The following ROBO2 variants were observed in gnomAD, a reference collection of about 807,000 sequenced individuals.
ROBO2 encodes the protein roundabout guidance receptor 2, also known as roundabout homolog 2.
In ROBO2, 53 loss-of-function variants were observed where a neutral mutation model predicts 160.8. The observed-to-expected ratio is 0.33, with a 90% CI of 0.26 to 0.41. The LOEUF is 0.41. Among genes scored for constraint, ROBO2 ranks in the 10% least tolerant of loss-of-function variants. The probability of loss-of-function intolerance (pLI) is 1.00; values close to 1 mark genes in which losing one functional copy is unlikely to be tolerated. For synonymous variants in ROBO2, 664 were observed against 611.7 expected (o/e 1.09, Z -1.26); for missense variants, 1,577 against 1,722.4 (o/e 0.92, Z 1.49).
chr3:76,970,546 C>T (rs2059524412), intron 2 of ROBO2, among the ~76,000 whole-genome samples: 1 of 152,108 alleles, frequency 6.6e-6, no homozygotes, highest in South Asian at 2.1e-4. Flanking sequence ...TCCATTTTCA[C>T]CAGCTTAAAT....
intron 2 of ROBO2, among the ~76,000 whole-genome samples, chr3:76,267,663 A>G (rs1707178031): frequency 2.0e-5 from 3 of 152,186 alleles, no homozygotes; most frequent in Admixed American, 2.0e-4. Context: ...ACTTTTATCA[A>G]TAGTTATTTT....
At chr3:76,471,005 GT>G (rs927098723) in intron 2 of ROBO2, among the ~76,000 whole-genome samples, 65 of 147,106 alleles carry the variant, frequency 4.4e-4, no homozygotes, top group African/African-American at 1.1e-3. Flanking sequence ...TTTTGTATTT[GT>G]TTTTTATTTG....
intron 2 of ROBO2, among the ~76,000 whole-genome samples, chr3:76,646,619 G>C (rs2090982177): frequency 6.6e-6 from 1 of 152,078 alleles, no homozygotes; most frequent in Non-Finnish European, 1.5e-5. Context: ...TCCTAACACA[G>C]AGTAAACGCT....
At chr3:76,361,806 A>G (rs1466821531) in intron 2 of ROBO2, among the ~76,000 whole-genome samples, 2 of 152,116 alleles carry the variant, frequency 1.3e-5, no homozygotes, top group East Asian at 3.9e-4. Context: ...TACAGGAAAT[A>G]TCAAAAAGTA....
At chr3:76,965,921 C>CTTTTTTT (rs1168083048) in intron 2 of ROBO2, among the ~76,000 whole-genome samples, 2 of 114,120 alleles carry the variant, frequency 1.8e-5, no homozygotes, top group Non-Finnish European at 1.8e-5. Context: ...GGCATATTTT[C>CTTTTTTT]TTTTTTTTTT....
intron 2 of ROBO2, among the ~76,000 whole-genome samples, chr3:77,272,877 A>G (rs747674948): frequency 1.1e-4 from 17 of 152,246 alleles, no homozygotes; most frequent in Admixed American, 5.2e-4. Context: ...ATCTCTCTCT[A>G]TATATATTTA....
At chr3:76,521,082 T>G (rs1043941653) in intron 2 of ROBO2, among the ~76,000 whole-genome samples, 2 of 127,938 alleles carry the variant, frequency 1.6e-5, no homozygotes, top group African/African-American at 6.3e-5. Context: ...AGGGTCTCCC[T>G]CTGTCATTCA....
intron 2 of ROBO2, among the ~76,000 whole-genome samples, chr3:76,035,906 A>G (rs1292962146): frequency 6.6e-6 from 1 of 152,054 alleles, no homozygotes; most frequent in East Asian, 1.9e-4. Context: ...ACTTAGCTCC[A>G]CCTTTTCATG....
At chr3:76,364,786 G>A (rs1022121209) in intron 2 of ROBO2, among the ~76,000 whole-genome samples, 1 of 151,982 alleles carries the variant, frequency 6.6e-6, no homozygotes, top group African/African-American at 2.4e-5. Context: ...CATGTAGGCT[G>A]CTGATCTTAA....
intron 2 of ROBO2, among the ~76,000 whole-genome samples, chr3:76,061,894 G>A (rs944967246): frequency 2.0e-5 from 3 of 151,952 alleles, no homozygotes; most frequent in Admixed American, 6.6e-5. Context: ...GCATTCTTTG[G>A]CCTGTGGTCC....
chr3:77,411,967 T>C (rs980182014), intron 2 of ROBO2, among the ~76,000 whole-genome samples: 6 of 152,216 alleles, frequency 3.9e-5, no homozygotes, highest in Non-Finnish European at 8.8e-5. Flanking sequence ...TAAATTTCCA[T>C]TTTAGTGCTG....
At chr3:76,023,032 CT>C (rs557708131) in intron 2 of ROBO2, among the ~76,000 whole-genome samples, 1 of 151,644 alleles carries the variant, frequency 6.6e-6, no homozygotes, top group Non-Finnish European at 1.5e-5. Flanking sequence ...TCACCTTGCA[CT>C]TTTTTTTATT....
intron 2 of ROBO2, among the ~76,000 whole-genome samples, chr3:76,069,246 C>T (rs1476928121): frequency 2.0e-5 from 3 of 152,194 alleles, no homozygotes; most frequent in Non-Finnish European, 1.5e-5. Flanking sequence ...TCTCCCTAAA[C>T]CTGGTTCTCC....
intron 2 of ROBO2, among the ~76,000 whole-genome samples, chr3:76,902,966 T>A (rs1279418119): frequency 1.3e-5 from 2 of 152,004 alleles, no homozygotes; most frequent in African/African-American, 4.8e-5. Context: ...GATAACATTT[T>A]CTGTTGAGTT....
At chr3:76,927,589 C>T (rs894849308) in intron 2 of ROBO2, among the ~76,000 whole-genome samples, 16 of 152,072 alleles carry the variant, frequency 1.1e-4, no homozygotes, top group South Asian at 2.1e-4. Context: ...ATATCAACAA[C>T]GCATAAGAAT....
chr3:77,225,861 G>GAC (rs746339482), intron 2 of ROBO2, among the ~76,000 whole-genome samples: 5,573 of 152,070 alleles, frequency 0.037, 224 homozygotes, highest in African/African-American at 0.095. Flanking sequence ...TTGTACATAT[G>GAC]ACTTCCTGCT....
intron 2 of ROBO2, among the ~76,000 whole-genome samples, chr3:77,435,775 G>A (rs1406005445): frequency 1.3e-5 from 2 of 151,712 alleles, no homozygotes; most frequent in Admixed American, 6.6e-5. Context: ...CAAAGGTCGT[G>A]AAAGAAACAG....
chr3:76,938,971 C>CAAAAAAAAAAAAAAAAAAAAAAAAAAAAA (rs71629626), intron 2 of ROBO2, among the ~76,000 whole-genome samples: 5 of 114,582 alleles, frequency 4.4e-5, no homozygotes, highest in African/African-American at 1.6e-4. Context: ...AACTCAGTCT[C>CAAAAAAAAAAAAAAAAAAAAAAAAAAAAA]AAAAAAAAAA....
At chr3:76,071,985 T>C (rs1482063374) in intron 2 of ROBO2, among the ~76,000 whole-genome samples, 2 of 152,124 alleles carry the variant, frequency 1.3e-5, no homozygotes, top group African/African-American at 4.8e-5. Context: ...TTAATAGTTG[T>C]TCTACAGTAT....
Sources: gnomAD v4.1 joint callset for allele counts (sites outside exome capture counted in the v4.1 genomes callset) on GRCh38, gnomAD v4.1.1 for gene constraint, MANE v1.5 for transcripts, NCBI Gene and HGNC (gene_info 2026-07-23, HGNC 2026-07-21) for gene names.